ADAMTSL1: variants seen among roughly 807,000 people sequenced by gnomAD.
The protein encoded by ADAMTSL1 is ADAMTS like 1, also known as ADAMTS-like protein 1.
A neutral mutation model predicts 201.8 loss-of-function variants in ADAMTSL1; 126 were observed. The observed-to-expected ratio is 0.62, with a 90% CI of 0.54 to 0.72. The LOEUF (loss-of-function observed/expected upper bound fraction) is 0.72, where lower values mean the gene tolerates loss of function less well. ADAMTSL1 is among the 30% of genes least tolerant of loss of function. ADAMTSL1 has a pLI of 0.00. For synonymous variants in ADAMTSL1, 1,121 were observed against 903.4 expected (o/e 1.24, Z -4.32); for missense variants, 2,679 against 2,277.8 (o/e 1.18, Z -3.59).
intron 2 of ADAMTSL1, among the ~76,000 whole-genome samples, chr9:18,214,338 AGT>A (rs759984017): frequency 1.3e-5 from 2 of 152,218 alleles, no homozygotes; most frequent in Non-Finnish European, 2.9e-5. Flanking sequence ...GAAGTTATGT[AGT>A]GTGTTTGTTA....
At chr9:18,506,539 A>G (rs12237559) in intron 2 of ADAMTSL1, among the ~76,000 whole-genome samples, 22,750 of 152,198 alleles carry the variant, frequency 0.15, 2,143 homozygotes, top group East Asian at 0.33. Flanking sequence ...AATACATTAA[A>G]ATCACAAAAT....
At chr9:18,067,591 G>C (rs965673910) in intron 1 of ADAMTSL1, among the ~76,000 whole-genome samples, 1 of 152,164 alleles carries the variant, frequency 6.6e-6, no homozygotes, top group Admixed American at 6.5e-5. Flanking sequence ...TCATATTCCA[G>C]TTTTCTTGAG....
intron 4 of ADAMTSL1, among the ~76,000 whole-genome samples, chr9:18,592,900 T>C (rs1473315078): frequency 6.6e-6 from 1 of 152,196 alleles, no homozygotes; most frequent in Non-Finnish European, 1.5e-5. Flanking sequence ...GTTTCTTTCA[T>C]CAGTGTTTTA....
chr9:18,640,661 T>C (rs1269156125), intron 7 of ADAMTSL1, among the ~76,000 whole-genome samples: 1 of 152,044 alleles, frequency 6.6e-6, no homozygotes, highest in Non-Finnish European at 1.5e-5. Flanking sequence ...ATCTTTATTT[T>C]TTTAATCTTA....
At chr9:18,315,042 C>G (rs140660308) in intron 2 of ADAMTSL1, among the ~76,000 whole-genome samples, 3 of 151,464 alleles carry the variant, frequency 2.0e-5, no homozygotes, top group Non-Finnish European at 4.4e-5. Context: ...GTGATCCGCC[C>G]GCCTCGGCCT....
At chr9:18,687,468 G>T (rs1455118557) in intron 13 of ADAMTSL1, among the ~76,000 whole-genome samples, 2 of 152,202 alleles carry the variant, frequency 1.3e-5, no homozygotes, top group Non-Finnish European at 2.9e-5. Flanking sequence ...TGTCACTTCT[G>T]AACTGCTACA....
At chr9:18,587,443 C>G (rs868819940) in intron 4 of ADAMTSL1, among the ~76,000 whole-genome samples, 2 of 152,206 alleles carry the variant, frequency 1.3e-5, no homozygotes, top group Middle Eastern at 3.4e-3. Flanking sequence ...ATCAGAGTTA[C>G]TGGGGTATCT....
chr9:18,306,985 C>G (rs181623537), intron 2 of ADAMTSL1, among the ~76,000 whole-genome samples: 2 of 152,320 alleles, frequency 1.3e-5, no homozygotes, highest in African/African-American at 4.8e-5. Context: ...ACCAGACTAA[C>G]AGTGGATCTC....
At chr9:17,992,352 T>C (rs1586864527) in intron 1 of ADAMTSL1, among the ~76,000 whole-genome samples, 1 of 152,192 alleles carries the variant, frequency 6.6e-6, no homozygotes, top group Non-Finnish European at 1.5e-5. Flanking sequence ...ACTTTGTTGC[T>C]TGTAAAATAT....
At chr9:18,575,131 T>A (rs1308371813) in intron 4 of ADAMTSL1, among the ~76,000 whole-genome samples, 1 of 152,188 alleles carries the variant, frequency 6.6e-6, no homozygotes, top group African/African-American at 2.4e-5. Flanking sequence ...CGGCTAGGAA[T>A]GTAAGAGAAA....
intron 1 of ADAMTSL1, among the ~76,000 whole-genome samples, chr9:18,081,803 T>G (rs1409482002): frequency 6.6e-6 from 1 of 152,228 alleles, no homozygotes; most frequent in Non-Finnish European, 1.5e-5. Context: ...AACAAGAATA[T>G]GTAAGCGTAT....
intron 1 of ADAMTSL1, among the ~76,000 whole-genome samples, chr9:18,011,918 A>G (rs1563947994): frequency 6.6e-6 from 1 of 152,036 alleles, no homozygotes; most frequent in Non-Finnish European, 1.5e-5. Context: ...AGTTGCCGGT[A>G]TGGAGCTTTG....
chr9:18,367,748 ATTACACATTTATCGGCACAGAG>A (rs1204405123), intron 2 of ADAMTSL1, among the ~76,000 whole-genome samples: 2 of 152,084 alleles, frequency 1.3e-5, no homozygotes, highest in Admixed American at 6.5e-5. Context: ...TAGGCACAGA[ATTACACATTTATCGGCACAGAG>A]TTACACATTC....
rs147439253 is a variant in ADAMTSL1 at position 18,609,863 on chromosome 9, A to G, written c.475-12380A>G. Reference sequence around the variant, plus strand: ...TGAACTGGATCTTTTTATATAAGCTATCACCTCAAATCCTTAGAACAAGTA... The same window carrying G: ...TGAACTGGATCTTTTTATATAAGCTGTCACCTCAAATCCTTAGAACAAGTA... On this transcript the variant is annotated intron_variant, in intron 4 of 28. Transcript: ENST00000380548. Among the ~76,000 whole-genome samples the G allele has an allele frequency of 9.8e-5, 15 of 152,324 alleles. No homozygotes were observed. In the East Asian group the frequency reaches 2.7e-3, roughly 27 times the overall value.
chr9:18,751,606 G>A (rs907240521), intron 15 of ADAMTSL1, among the ~76,000 whole-genome samples: 1 of 152,128 alleles, frequency 6.6e-6, no homozygotes, highest in African/African-American at 2.4e-5. Context: ...TGTTCTGATG[G>A]ACCCTGCAAG....
chr9:18,584,934 G>A (rs182825870), intron 4 of ADAMTSL1, among the ~76,000 whole-genome samples: 1 of 152,278 alleles, frequency 6.6e-6, no homozygotes, highest in Admixed American at 6.5e-5. Flanking sequence ...AACTTACTCA[G>A]TCTCAGGTAT....
chr9:18,529,150 T>G (rs1001261582), intron 2 of ADAMTSL1, among the ~76,000 whole-genome samples: 1 of 152,188 alleles, frequency 6.6e-6, no homozygotes, highest in African/African-American at 2.4e-5. Context: ...AATTTTAACT[T>G]TCAAAAATAT....
intron 1 of ADAMTSL1, among the ~76,000 whole-genome samples, chr9:18,037,856 C>T (rs530350213): frequency 1.8e-4 from 28 of 152,216 alleles, no homozygotes; most frequent in African/African-American, 6.5e-4. Flanking sequence ...AGAAACAAAA[C>T]AAATGGTGCG....
intron 3 of ADAMTSL1, among the ~76,000 whole-genome samples, chr9:18,572,320 G>A (rs374709283): frequency 3.8e-4 from 58 of 151,980 alleles, no homozygotes; most frequent in Non-Finnish European, 7.5e-4. Flanking sequence ...CAAAATAAAC[G>A]TGTAAACAGC....
Sources: gnomAD v4.1 joint callset for allele counts (sites outside exome capture counted in the v4.1 genomes callset) on GRCh38, gnomAD v4.1.1 for gene constraint, MANE v1.5 for transcripts, NCBI Gene and HGNC (gene_info 2026-07-23, HGNC 2026-07-21) for gene names.